The following CSMD1 variants were observed in gnomAD, a reference collection of about 807,000 sequenced individuals.
CSMD1 encodes the protein CUB and Sushi multiple domains 1, also known as CUB and sushi domain-containing protein 1.
In CSMD1, 213 loss-of-function variants were observed where a neutral mutation model predicts 417.5. The observed-to-expected ratio is 0.51, with a 90% CI of 0.46 to 0.57. The LOEUF (loss-of-function observed/expected upper bound fraction) is 0.57. Ranked by LOEUF, CSMD1 falls within the 20% of genes least tolerant of loss-of-function variation. The probability of loss-of-function intolerance (pLI) is 0.00; values close to 1 mark genes in which losing one functional copy is unlikely to be tolerated. For missense variants in CSMD1, 6,923 were observed against 4,529.7 expected, an observed-to-expected ratio of 1.53 and a Z score of -15.17; for synonymous variants, 2,862 against 1,736.8, an observed-to-expected ratio of 1.65 and a Z score of -16.11.
In CSMD1 at chr8:4,266,032, G is replaced by A. The variant is rs1431837108; in HGVS notation, c.415+153921C>T. ...ATCCCAAACCGGCCCACCGCACTCA[G>A]GCTCGCCCGGCATATTAGCTGATAC... On this transcript the variant is annotated intron_variant, in intron 3 of 69. Transcript: ENST00000635120. Among the ~76,000 whole-genome samples, 3 of 103,866 alleles carry A rather than the reference G, an allele frequency of 2.9e-5. 1 individual carries two copies. Among genetic ancestry groups the A allele is most frequent in the Non-Finnish European group, 7.7e-5 (3 of 38,760 alleles). The allele number at this position is 103,866 out of a possible 152,430, so 68.1% of individuals were successfully genotyped here.
chr8:4,145,599 G>A (rs1194214702), intron 3 of CSMD1, among the ~76,000 whole-genome samples: 1 of 150,754 alleles, frequency 6.6e-6, no homozygotes, highest in Admixed American at 6.6e-5. Context: ...ATGTTGCATG[G>A]GCTAGTGTCA....
chr8:4,342,578 C>G (rs1387384260), intron 3 of CSMD1, among the ~76,000 whole-genome samples: 3 of 151,932 alleles, frequency 2.0e-5, no homozygotes, highest in African/African-American at 7.2e-5. Flanking sequence ...ATGGACACTT[C>G]CCCATAAGGT....
chr8:4,516,296 C>G (rs1296815350), intron 2 of CSMD1, among the ~76,000 whole-genome samples: 1 of 152,126 alleles, frequency 6.6e-6, no homozygotes. Context: ...CCCACTGACA[C>G]CGTGATCTTG....
At chr8:4,252,282 T>C (rs1419622152) in intron 3 of CSMD1, among the ~76,000 whole-genome samples, 2 of 152,350 alleles carry the variant, frequency 1.3e-5, no homozygotes, top group Non-Finnish European at 2.9e-5. Context: ...CTGTGAGTTG[T>C]CTTCTGTCAT....
intron 15 of CSMD1, among the ~76,000 whole-genome samples, chr8:3,403,805 A>G (rs527557335): frequency 6.6e-6 from 1 of 152,352 alleles, no homozygotes; most frequent in African/African-American, 2.4e-5. Context: ...TGAGCACCAC[A>G]TGTGTATATA....
intron 18 of CSMD1, 148 bp from the exon 19 acceptor site, chr8:3,369,518 T>C (rs1239090102): frequency 1.7e-6 from 1 of 593,048 alleles, no homozygotes; most frequent in Non-Finnish European, 3.0e-6. Context: ...CTGAGCTTTA[T>C]GTTACTTGCA....
At chr8:4,723,626 G>C (rs762256221) in intron 1 of CSMD1, among the ~76,000 whole-genome samples, 2 of 151,998 alleles carry the variant, frequency 1.3e-5, no homozygotes, top group Admixed American at 6.6e-5. Flanking sequence ...ATAATTAGCA[G>C]TTTGTTTAGC....
At chr8:4,206,666 G>A (rs1484604841) in intron 3 of CSMD1, among the ~76,000 whole-genome samples, 2 of 152,200 alleles carry the variant, frequency 1.3e-5, no homozygotes, top group African/African-American at 4.8e-5. Flanking sequence ...TGTCTTTACA[G>A]CAGCATGATC....
intron 1 of CSMD1, among the ~76,000 whole-genome samples, chr8:4,970,355 G>C (rs540938760): frequency 1.4e-4 from 21 of 152,120 alleles, no homozygotes; most frequent in African/African-American, 4.6e-4. Context: ...AGAACAAAAA[G>C]ATTCAAAAAT....
intron 5 of CSMD1, among the ~76,000 whole-genome samples, chr8:3,892,248 T>C (rs752852250): frequency 2.3e-4 from 35 of 152,184 alleles, no homozygotes; most frequent in Non-Finnish European, 4.3e-4. Context: ...TTTACTCAGA[T>C]ACCTGAACAT....
chr8:3,250,668 C>G (rs1017108429), intron 26 of CSMD1, among the ~76,000 whole-genome samples: 15 of 152,192 alleles, frequency 9.9e-5, no homozygotes, highest in Non-Finnish European at 1.5e-4. Flanking sequence ...AGTTTATGGT[C>G]CCACCAACAG....
chr8:3,422,050 C>G (rs888878859), intron 12 of CSMD1, among the ~76,000 whole-genome samples: 5 of 152,066 alleles, frequency 3.3e-5, no homozygotes, highest in African/African-American at 1.2e-4. Flanking sequence ...CCATGTCCAG[C>G]CCTGATGTCC....
In CSMD1 at chr8:3,610,727, T is replaced by C. The variant is rs117916769; in HGVS notation, c.1097+5983A>G. Among the ~76,000 whole-genome samples the C allele has an allele frequency of 9.4e-4, 143 of 152,264 alleles. No individual in the cohort carries two copies. The East Asian group carries it at 0.02, about 21-fold the overall frequency. On this transcript the variant is annotated intron_variant, in intron 8 of 69. Coordinates refer to ENST00000635120, the MANE Select transcript of CSMD1 (RefSeq NM_033225.6). ...ATGTTCTTTCTCTTAACTCCAATTA[T>C]AATTTTTATGCTCAGTAGAATTGCA... is the stretch of plus-strand genomic sequence containing the variant.
chr8:3,207,513 T>C (rs59290530), intron 30 of CSMD1, among the ~76,000 whole-genome samples: 3,273 of 152,174 alleles, frequency 0.022, 116 homozygotes, highest in African/African-American at 0.074. Context: ...TGAATGTTAA[T>C]TAGCATTATG....
intron 50 of CSMD1, among the ~76,000 whole-genome samples, chr8:3,049,733 C>A (rs1811692905): frequency 6.6e-6 from 1 of 152,056 alleles, no homozygotes; most frequent in Non-Finnish European, 1.5e-5. Flanking sequence ...GATGGTGCAA[C>A]ACCAAAAATG....
intron 1 of CSMD1, among the ~76,000 whole-genome samples, chr8:4,922,613 G>A (rs1012401131): frequency 6.6e-6 from 1 of 152,264 alleles, no homozygotes; most frequent in East Asian, 1.9e-4. Context: ...GAGAAGGTAT[G>A]CAGATAACAA....
At chr8:4,818,999 A>T (rs891124320) in intron 1 of CSMD1, among the ~76,000 whole-genome samples, 4 of 152,130 alleles carry the variant, frequency 2.6e-5, no homozygotes, top group Admixed American at 6.5e-5. Context: ...GAAAAAAAAT[A>T]TTAGCTATGT....
chr8:3,510,776 T>C (rs1166066150), intron 10 of CSMD1, among the ~76,000 whole-genome samples: 1 of 151,908 alleles, frequency 6.6e-6, no homozygotes, highest in Non-Finnish European at 1.5e-5. Flanking sequence ...TGAGCTTTTT[T>C]GCCTATGTTT....
At chr8:4,786,392 C>G (rs574211962) in intron 1 of CSMD1, among the ~76,000 whole-genome samples, 1 of 152,288 alleles carries the variant, frequency 6.6e-6, no homozygotes, top group South Asian at 2.1e-4. Context: ...ATGCATCGGT[C>G]AAGTAAATGA....
Sources: allele counts gnomAD v4.1 joint callset (sites outside exome capture counted in the v4.1 genomes callset), GRCh38; gene constraint gnomAD v4.1.1; transcripts MANE v1.5; gene names NCBI Gene and HGNC (gene_info 2026-07-23, HGNC 2026-07-21).